The following PDZD4 variants were observed in gnomAD, a reference collection of about 807,000 sequenced individuals.
The protein encoded by PDZD4 is PDZ domain-containing protein 4.
A neutral mutation model predicts 38.5 loss-of-function variants in PDZD4; 9 were observed. The ratio of observed to expected loss-of-function variants is 0.23; its 90% confidence interval spans 0.14 to 0.41. PDZD4 has a LOEUF of 0.41. Among genes scored for constraint, PDZD4 ranks in the 10% least tolerant of loss-of-function variants. The probability of loss-of-function intolerance (pLI) is 1.00; values close to 1 mark genes in which losing one functional copy is unlikely to be tolerated. For missense variants in PDZD4, 612 were observed against 722.0 expected (o/e 0.85, Z 1.75); for synonymous variants, 349 against 315.7 (o/e 1.11, Z -1.12).
chrX:153,804,499 G>C lies in PDZD4; in HGVS notation c.1182C>G (p.Asp394Glu). 8.3e-7 allele frequency: 1 copy of C among 1,210,126 alleles called. No individual in the cohort carries two copies. ...GGCCCAGGCTCTCGTTGCGGTTGAC[G>C]TCCAGGGCGCTGTTGCCTCCGGAGG... ...PRASGGNSAL[D>E]VNRNESLGHE... The change falls in exon 8 of 8, where the codon GAC (aspartate) becomes GAG (glutamate). Residue 394 changes from aspartate (D) to glutamate (E), a missense_variant. Physicochemically the swap from Asp to Glu is conservative, Grantham distance 45. This residue lies in a region of PDZD4 where 300 missense variants were observed against 284.6 expected (regional missense o/e 1.05). Coordinates refer to ENST00000393758, the MANE Select transcript of PDZD4 (RefSeq NM_001303512.2).
chrX:153,812,521 C>T (rs1292640077), intron 1 of PDZD4, among the ~76,000 whole-genome samples: 1 of 110,997 alleles, frequency 9.0e-6, no homozygotes, highest in African/African-American at 3.3e-5. Flanking sequence ...ACAGCCTCAG[C>T]ACCTCGGATC....
chrX:153,802,917 G>A lies in PDZD4; in HGVS notation c.*436C>T. ...AAATAACTGCAGTGCGCAGCGGCGG[G>A]GAGAGGCCGCGCTCAGCAGCGAAGC... On this transcript the variant is annotated 3_prime_UTR_variant, in exon 8 of 8. Transcript: ENST00000393758. 8.0e-6 allele frequency: 1 copy of A among 124,492 alleles called. No homozygotes were observed. Among genetic ancestry groups the A allele is most frequent in the South Asian group, 3.4e-4 (1 of 2,937 alleles). 10.3% of individuals were successfully genotyped at this position (124,492 alleles called of 1,213,427 possible). A position where few individuals can be genotyped will look rare whatever the true frequency, so the allele number is the denominator to read the frequency against.
At chrX:153,823,218 A>AAT (rs782644124) in intron 1 of PDZD4, among the ~76,000 whole-genome samples, 9 of 99,280 alleles carry the variant, frequency 9.1e-5, no homozygotes, top group South Asian at 4.8e-4. Flanking sequence ...ATGCCCAGCT[A>AAT]ATATATATAT....
At chrX:153,814,970 TC>T (rs1557079555) in intron 1 of PDZD4, among the ~76,000 whole-genome samples, 1 of 112,452 alleles carries the variant, frequency 8.9e-6, no homozygotes, top group Non-Finnish European at 1.9e-5. Context: ...TTTCAAATAA[TC>T]GAAGTGCTCA....
At chrX:153,805,401 C>CCCAA in intron 6 of PDZD4, 104 bp downstream of exon 6, 1 of 351,186 alleles carries the variant, frequency 2.8e-6, no homozygotes. Context: ...CGCCCTCCAT[C>CCCAA]AACTCCAGGT....
intron 1 of PDZD4, among the ~76,000 whole-genome samples, chrX:153,810,006 C>T (rs782784455): frequency 3.5e-5 from 4 of 112,758 alleles, no homozygotes; most frequent in Admixed American, 9.3e-5. Flanking sequence ...CAGTATGCTG[C>T]GACCTTCAAG....
Position 153,824,766 on chromosome X carries a change from G to C in PDZD4, c.60+5473C>G, listed in dbSNP as rs193228334. 6.3e-5 allele frequency among the ~76,000 whole-genome samples: 7 copies of C among 111,865 alleles called. No homozygotes were observed. In the East Asian group the frequency reaches 2.0e-3, roughly 32 times the overall value. Reference sequence around the variant, plus strand: ...GTAATCCCAGCACTTTGGGAGGCCGGTGTGGGTGGATCACCTGAGGTCGGG... The same window carrying C: ...GTAATCCCAGCACTTTGGGAGGCCGCTGTGGGTGGATCACCTGAGGTCGGG... On this transcript the variant is annotated intron_variant, in intron 1 of 7. Coordinates refer to ENST00000393758, the MANE Select transcript of PDZD4 (RefSeq NM_001303512.2).
In PDZD4 at chrX:153,808,318, G is replaced by A. The variant is rs782635109; in HGVS notation, c.314+24C>T. 35 of 1,186,101 alleles carry A rather than the reference G, an allele frequency of 3.0e-5. No individual in the cohort carries two copies. The East Asian group carries it at 4.8e-4, about 16-fold the overall frequency. ...CCTGTCCTCTCTGGAGGCAGGGCCC[G>A]GGGCCCTCCTGAGGGCGACTCACAG... On this transcript the variant is annotated intron_variant, in intron 2 of 7. Coordinates refer to ENST00000393758, the MANE Select transcript of PDZD4 (RefSeq NM_001303512.2).
intron 1 of PDZD4, among the ~76,000 whole-genome samples, chrX:153,822,651 C>CT (rs2064437793): frequency 1.1e-4 from 2 of 18,741 alleles, no homozygotes; most frequent in Non-Finnish European, 2.9e-4. Flanking sequence ...CTCCCTCCCT[C>CT]CCTCTCTCTC....
Position 153,830,502 on chromosome X carries a change from G to A in PDZD4, c.-204C>T, listed in dbSNP as rs1223517430. The A allele has an allele frequency of 1.2e-5, 4 of 341,804 alleles. No individual in the cohort carries two copies. The highest frequency in any genetic ancestry group is 2.0e-5 in the Non-Finnish European group (4 of 195,847). The allele number at this position is 341,804 out of a possible 1,213,427, so 28.2% of individuals were successfully genotyped here. ...GTTAACTCTTCGCTGGCCGAGGCCA[G>A]GCGCGGGCATGCTCCCTCGCACCCG... On this transcript the variant is annotated 5_prime_UTR_variant, in exon 1 of 8. Coordinates refer to ENST00000393758, the MANE Select transcript of PDZD4 (RefSeq NM_001303512.2).
chrX:153,818,884 G>C (rs1427243012), intron 1 of PDZD4, among the ~76,000 whole-genome samples: 19 of 110,590 alleles, frequency 1.7e-4, no homozygotes, highest in African/African-American at 5.9e-4. Context: ...GGGCAAGGGA[G>C]GGGGGACACA....
chrX:153,805,946 G>A, intron 5 of PDZD4, 125 bp downstream of exon 5: 4 of 741,129 alleles, frequency 5.4e-6, no homozygotes, highest in East Asian at 3.4e-5. Context: ...TTTAGGACAC[G>A]GCAGGCTGCT....
intron 1 of PDZD4, among the ~76,000 whole-genome samples, chrX:153,817,913 T>A: frequency 8.9e-6 from 1 of 112,253 alleles, no homozygotes; most frequent in Non-Finnish European, 1.9e-5. Flanking sequence ...ATGTGACCAT[T>A]GCTGTTCAAT....
intron 3 of PDZD4, 56 bp downstream of exon 3, chrX:153,807,223 G>A (rs1180894520): frequency 8.8e-7 from 1 of 1,133,320 alleles, no homozygotes; most frequent in African/African-American, 1.8e-5. Context: ...AGGCACACAG[G>A]CGTCGGGGCG....
At position 153,820,349 on chromosome X, in the gene PDZD4, CAAAAAAAAAAA is replaced by C. The variant is rs140401659; in HGVS notation, c.60+9879_60+9889del. On this transcript the variant is annotated intron_variant, in intron 1 of 7. Transcript: ENST00000393758. ...TGGGCGACAGAGCAAGACTCCATCTCAAAAAAAAAAAAAAAAAAAAAAAAAGCGAGGCGTGG... is the reference window on the plus strand; with the variant it reads ...TGGGCGACAGAGCAAGACTCCATCTCAAAAAAAAAAAAAAGCGAGGCGTGG... 8.2e-4 allele frequency among the ~76,000 whole-genome samples: 15 copies of C among 18,234 alleles called. No individual in the cohort carries two copies. In the South Asian group the frequency reaches 0.052, roughly 63 times the overall value. The allele number at this position is 18,234 out of a possible 115,157, so 15.8% of individuals were successfully genotyped here.
rs1379527492 is a variant in PDZD4 at position 153,804,021 on chromosome X, G to A, written c.1660C>T (p.Arg554Cys). Residue 554 changes from arginine (R) to cysteine (C), a missense_variant, in exon 8 of 8, where the codon CGC (arginine) becomes TGC (cysteine). This residue lies in a region of PDZD4 where 300 missense variants were observed against 284.6 expected (regional missense o/e 1.05). Transcript: ENST00000393758. ...RRQHAEERGRRNPKTGLTLER... is the reference protein window; with the variant it reads ...RRQHAEERGRCNPKTGLTLER... ...AGGGTCAACCCCGTCTTGGGGTTGC[G>A]GCGGCCGCGCTCCTCCGCGTGCTGC... 4.3e-6 allele frequency: 5 copies of A among 1,157,580 alleles called. No individual in the cohort carries two copies. Among genetic ancestry groups the A allele is most frequent in the African/African-American group, 1.8e-5 (1 of 56,414 alleles).
rs1235508952 is a variant in PDZD4 at position 153,805,612 on chromosome X, G to A, written c.568-6C>T. 2.5e-6 allele frequency: 3 copies of A among 1,197,291 alleles called. No homozygotes were observed. Among genetic ancestry groups the A allele is most frequent in the Non-Finnish European group, 2.3e-6 (2 of 884,607 alleles). ...TGGACGTCTACACCGTTAATCTGAG[G>A]CAGGCAGGATACAATCAACAAGCAT... On this transcript the variant is annotated splice_region_variant and splice_polypyrimidine_tract_variant and intron_variant, in intron 5 of 7. Transcript: ENST00000393758.
At chrX:153,821,256 G>T (rs1027776840) in intron 1 of PDZD4, among the ~76,000 whole-genome samples, 1 of 110,276 alleles carries the variant, frequency 9.1e-6, no homozygotes, top group African/African-American at 3.3e-5. Flanking sequence ...TCGGGGGAGG[G>T]GTGTCTGGGC....
chrX:153,823,233 ATTTT>A (rs374179447), intron 1 of PDZD4, among the ~76,000 whole-genome samples: 1 of 68,635 alleles, frequency 1.5e-5, no homozygotes. Flanking sequence ...ATATATATAT[ATTTT>A]TTTTTGAGAT....
Sources: allele counts gnomAD v4.1 joint callset (sites outside exome capture counted in the v4.1 genomes callset), GRCh38; gene constraint gnomAD v4.1.1; regional missense constraint gnomAD v4.1.1; transcripts MANE v1.5; gene names NCBI Gene and HGNC (gene_info 2026-07-23, HGNC 2026-07-21).